Variants in MPHOSPH6 observed in about 807,000 individuals in gnomAD.
The protein encoded by MPHOSPH6 is M-phase phosphoprotein 6.
A neutral mutation model predicts 21.8 loss-of-function variants in MPHOSPH6; 25 were observed. That is an observed-to-expected ratio of 1.15 (90% CI 0.83 to 1.60). The LOEUF (loss-of-function observed/expected upper bound fraction) is 1.60. Ranked by LOEUF, MPHOSPH6 falls within the 40% of genes most tolerant of loss-of-function variation. The pLI, the probability that MPHOSPH6 is intolerant of heterozygous loss-of-function variation, is 0.00. For missense variants in MPHOSPH6, 269 were observed against 181.8 expected, an observed-to-expected ratio of 1.48 and a Z score of -2.76; for synonymous variants, 84 against 56.5, an observed-to-expected ratio of 1.49 and a Z score of -2.18.
chr16:82,153,045 C>G (rs772746473), intron 2 of MPHOSPH6, among the ~76,000 whole-genome samples: 10 of 151,994 alleles, frequency 6.6e-5, no homozygotes, highest in Non-Finnish European at 1.5e-4. Flanking sequence ...GAGAACTGCT[C>G]GCATCCCAGA....
Position 82,170,176 on chromosome 16 carries a change from G to A in MPHOSPH6, c.-1C>T, listed in dbSNP as rs1327412492. 1.3e-6 allele frequency: 2 copies of A among 1,588,846 alleles called. No homozygotes were observed. Among genetic ancestry groups the A allele is most frequent in the East Asian group, 2.4e-5 (1 of 42,276 alleles). ...ACCTTGTCTTTCGCTCGGCCGCCAT[G>A]GTAGCTTCCGCCCAGCGCCGCACTC... On this transcript the variant is annotated 5_prime_UTR_variant, in exon 1 of 5. Transcript: ENST00000258169.
chr16:82,159,542 C>G (rs7206849), intron 2 of MPHOSPH6, among the ~76,000 whole-genome samples: 4,456 of 152,074 alleles, frequency 0.029, 214 homozygotes, highest in African/African-American at 0.1. Context: ...GAAGCTGGGA[C>G]TACAGGCACA....
intron 2 of MPHOSPH6, among the ~76,000 whole-genome samples, chr16:82,159,728 T>C (rs1189855191): frequency 6.6e-6 from 1 of 152,182 alleles, no homozygotes. Context: ...ATAATTTTTA[T>C]AAATGCAAAT....
At chr16:82,166,589 C>A (rs984254898) in intron 1 of MPHOSPH6, among the ~76,000 whole-genome samples, 2 of 152,190 alleles carry the variant, frequency 1.3e-5, no homozygotes, top group African/African-American at 4.8e-5. Context: ...TAGACCATGA[C>A]TCTTGTTCAT....
At position 82,170,186 on chromosome 16, in the gene MPHOSPH6, G is replaced by A. The variant is rs370284195; in HGVS notation, c.-11C>T. Reference sequence around the variant, plus strand: ...TCGCTCGGCCGCCATGGTAGCTTCCGCCCAGCGCCGCACTCCGGCCGCGAG... The same window carrying A: ...TCGCTCGGCCGCCATGGTAGCTTCCACCCAGCGCCGCACTCCGGCCGCGAG... On this transcript the variant is annotated 5_prime_UTR_variant, in exon 1 of 5. Transcript: ENST00000258169. 9.5e-6 allele frequency: 15 copies of A among 1,576,486 alleles called. No individual in the cohort carries two copies. In the Admixed American group the frequency reaches 1.8e-4, roughly 19 times the overall value.
At chr16:82,156,288 G>C (rs74249007) in intron 2 of MPHOSPH6, among the ~76,000 whole-genome samples, 17,882 of 152,126 alleles carry the variant, frequency 0.12, 1,286 homozygotes, top group East Asian at 0.29. Flanking sequence ...GAAACACTGA[G>C]CTTGAGTTAA....
chr16:82,155,341 C>G (rs932022904), intron 2 of MPHOSPH6, among the ~76,000 whole-genome samples: 1 of 152,244 alleles, frequency 6.6e-6, no homozygotes, highest in East Asian at 1.9e-4. Context: ...TGAAATAAAT[C>G]AACAAGAGGA....
At chr16:82,155,097 A>T (rs991374241) in intron 2 of MPHOSPH6, among the ~76,000 whole-genome samples, 2 of 152,220 alleles carry the variant, frequency 1.3e-5, no homozygotes, top group Non-Finnish European at 2.9e-5. Context: ...ACAAAATAAA[A>T]ATCATGATCT....
At chr16:82,169,111 C>T (rs1031086320) in intron 1 of MPHOSPH6, among the ~76,000 whole-genome samples, 1 of 152,198 alleles carries the variant, frequency 6.6e-6, no homozygotes, top group African/African-American at 2.4e-5. Context: ...TTGTCTAGTA[C>T]TATAAATATT....
chr16:82,149,492 A>T (rs563271630), intron 3 of MPHOSPH6, 89 bp from the exon 4 acceptor site: 2 of 1,099,000 alleles, frequency 1.8e-6, no homozygotes, highest in South Asian at 2.5e-5. Flanking sequence ...GAGAAACTGA[A>T]GTCAAATAAT....
chr16:82,163,858 A>T (rs1178199242), intron 2 of MPHOSPH6: 2 of 437,978 alleles, frequency 4.6e-6, no homozygotes, highest in African/African-American at 4.5e-5. Flanking sequence ...CCTTCATTCA[A>T]TGTAAAAAAG....
At chr16:82,167,384 G>C (rs955704010) in intron 1 of MPHOSPH6, among the ~76,000 whole-genome samples, 1 of 152,178 alleles carries the variant, frequency 6.6e-6, no homozygotes, top group African/African-American at 2.4e-5. Context: ...AACCTTTTTG[G>C]CACCAGGGAT....
intron 2 of MPHOSPH6, among the ~76,000 whole-genome samples, chr16:82,161,680 T>C (rs781763386): frequency 1.3e-5 from 2 of 152,106 alleles, no homozygotes; most frequent in Admixed American, 6.5e-5. Context: ...GAAAGAAGGA[T>C]TGGGCAGAGG....
chr16:82,152,379 G>C lies in MPHOSPH6; in HGVS notation c.165-865C>G, dbSNP rs149294332. Reference sequence around the variant, plus strand: ...GCAGCTTTAACAGTGTTATCAGTCAGAGCTCTTAGCTATAAACACCAAAGG... The same window carrying C: ...GCAGCTTTAACAGTGTTATCAGTCACAGCTCTTAGCTATAAACACCAAAGG... On this transcript the variant is annotated intron_variant, in intron 2 of 4. Transcript: ENST00000258169. Among the ~76,000 whole-genome samples the C allele has an allele frequency of 1.8e-3, 270 of 152,262 alleles. 1 individual carries two copies. Among genetic ancestry groups the C allele is most frequent in the African/African-American group, 6.2e-3 (256 of 41,546 alleles).
In MPHOSPH6 at chr16:82,169,639, A is replaced by AG. The variant is rs1200088542; in HGVS notation, c.51+485dup. On this transcript the variant is annotated intron_variant, in intron 1 of 4. Coordinates refer to ENST00000258169, the MANE Select transcript of MPHOSPH6 (RefSeq NM_005792.2). ...TTCTCTGAAGAACTCTACTAAAAGA[A>AG]GTATTATCAAAATTAAAAAGGAGCT... 3.3e-5 allele frequency among the ~76,000 whole-genome samples: 5 copies of AG among 152,230 alleles called. No homozygotes were observed. The South Asian group carries it at 6.2e-4, about 19-fold the overall frequency.
At chr16:82,157,897 C>T (rs892865487) in intron 2 of MPHOSPH6, among the ~76,000 whole-genome samples, 1 of 152,174 alleles carries the variant, frequency 6.6e-6, no homozygotes, top group African/African-American at 2.4e-5. Flanking sequence ...AGAGTAGTAG[C>T]AGGAGGTCAG....
intron 1 of MPHOSPH6, among the ~76,000 whole-genome samples, chr16:82,167,968 C>T (rs958252493): frequency 6.6e-6 from 1 of 152,134 alleles, no homozygotes; most frequent in Non-Finnish European, 1.5e-5. Context: ...ACAGTATACT[C>T]TGTTCTATCA....
chr16:82,163,723 G>A (rs144594663), intron 2 of MPHOSPH6, among the ~76,000 whole-genome samples: 1,749 of 152,314 alleles, frequency 0.011, 38 homozygotes, highest in African/African-American at 0.04. Context: ...AATGAACTCT[G>A]TAACCGAAAC....
chr16:82,162,389 C>T (rs2142415010), intron 2 of MPHOSPH6: 1 of 152,426 alleles, frequency 6.6e-6, no homozygotes, highest in East Asian at 1.9e-4. Flanking sequence ...CCCCTCCAGA[C>T]CTACTTCCCG....
Sources: allele counts gnomAD v4.1 joint callset (sites outside exome capture counted in the v4.1 genomes callset), GRCh38; gene constraint gnomAD v4.1.1; transcripts MANE v1.5; gene names NCBI Gene and HGNC (gene_info 2026-07-23, HGNC 2026-07-21).